DOCK11: variants seen among roughly 807,000 people sequenced by gnomAD.
DOCK11 encodes the protein dedicator of cytokinesis protein 11.
Under a neutral mutation model 169.1 loss-of-function variants are expected in DOCK11, and 70 were observed. The ratio of observed to expected loss-of-function variants is 0.41; its 90% CI spans 0.34 to 0.51. The LOEUF is 0.51. DOCK11 is among the 20% of genes least tolerant of loss of function. The probability of loss-of-function intolerance (pLI) is 0.10; values close to 1 mark genes in which losing one functional copy is unlikely to be tolerated. For missense variants in DOCK11, 1,166 were observed against 1,538.8 expected (o/e 0.76, Z 4.05); for synonymous variants, 529 against 541.3 (o/e 0.98, Z 0.32).
chrX:118,635,627 G>A (rs1426477618), intron 35 of DOCK11, among the ~76,000 whole-genome samples: 4 of 110,914 alleles, frequency 3.6e-5, no homozygotes, highest in Non-Finnish European at 7.6e-5. Context: ...TCACTCTGTC[G>A]CCCAGGCTGG....
intron 10 of DOCK11, among the ~76,000 whole-genome samples, chrX:118,570,445 A>C (rs1167325710): frequency 8.9e-6 from 1 of 112,234 alleles, no homozygotes; most frequent in Non-Finnish European, 1.9e-5. Context: ...CCACAGATGG[A>C]TATGTGTTCA....
chrX:118,605,386 C>T (rs1344723271), intron 24 of DOCK11, 30 bp downstream of exon 24: 12 of 996,135 alleles, frequency 1.2e-5, no homozygotes, highest in South Asian at 4.2e-5. Context: ...TACAAAGATG[C>T]TATTTATTTG....
intron 1 of DOCK11, among the ~76,000 whole-genome samples, chrX:118,519,559 A>T (rs1256364988): frequency 1.8e-5 from 2 of 111,631 alleles, no homozygotes; most frequent in African/African-American, 6.5e-5. Context: ...AGAAATTTTA[A>T]GGTCTGCTCT....
rs766739770 is a variant in DOCK11 at position 118,620,523 on chromosome X, C to T, written c.3471+1795C>T. On this transcript the variant is annotated intron_variant, in intron 31 of 52. Transcript: ENST00000276202. Reference sequence around the variant, plus strand: ...TCCTAAAGTAGATTTAACTCCTTTGCTTTAAGATGTAATTTATTGCTTACT... The same window carrying T: ...TCCTAAAGTAGATTTAACTCCTTTGTTTTAAGATGTAATTTATTGCTTACT... 2.7e-5 allele frequency among the ~76,000 whole-genome samples: 3 copies of T among 112,069 alleles called. No homozygotes were observed. The South Asian group carries it at 1.1e-3, about 41-fold the overall frequency.
intron 1 of DOCK11, among the ~76,000 whole-genome samples, chrX:118,498,726 G>A (rs1459202643): frequency 9.0e-6 from 1 of 111,321 alleles, no homozygotes; most frequent in Non-Finnish European, 1.9e-5. Flanking sequence ...CCACCAAGCT[G>A]TACAAATATA....
intron 1 of DOCK11, among the ~76,000 whole-genome samples, chrX:118,539,786 C>A (rs1464328622): frequency 3.7e-5 from 4 of 109,318 alleles, no homozygotes; most frequent in African/African-American, 1.3e-4. Context: ...CATGGTGGCT[C>A]ATGCCTGTAA....
chrX:118,663,768 G>C (rs758654655), intron 45 of DOCK11, among the ~76,000 whole-genome samples: 2 of 102,536 alleles, frequency 2.0e-5, no homozygotes, highest in Admixed American at 1.1e-4. Context: ...TCTGCCTCCC[G>C]GGTTCAAGTG....
At chrX:118,628,062 C>T in intron 33 of DOCK11, 101 bp from the exon 34 acceptor site, 1 of 470,809 alleles carries the variant, frequency 2.1e-6, no homozygotes, top group Non-Finnish European at 3.7e-6. Flanking sequence ...AAGATCTATT[C>T]CCTACATTAA....
In DOCK11 at chrX:118,560,132, A is replaced by G. The variant is rs780720012; in HGVS notation, c.559-1251A>G. ...TTTTGTCATTCATTAAAAAAAATCA[A>G]TGATATTTATACAAGTCAAAAATAA... On this transcript the variant is annotated intron_variant, in intron 6 of 52. Transcript: ENST00000276202. Among the ~76,000 whole-genome samples, 74 of 111,337 alleles carry G rather than the reference A, an allele frequency of 6.6e-4. 1 individual carries two copies. Among genetic ancestry groups the G allele is most frequent in the Non-Finnish European group, 4.3e-4 (23 of 53,039 alleles).
intron 7 of DOCK11, among the ~76,000 whole-genome samples, chrX:118,562,699 T>C (rs769219405): frequency 8.9e-6 from 1 of 111,971 alleles, no homozygotes; most frequent in South Asian, 3.7e-4. Context: ...TACATTTTTT[T>C]CCTCTTCTTG....
chrX:118,514,798 G>A (rs1057061519), intron 1 of DOCK11, among the ~76,000 whole-genome samples: 4 of 112,466 alleles, frequency 3.6e-5, no homozygotes, highest in African/African-American at 1.3e-4. Flanking sequence ...TCAGGGCTTA[G>A]GTCAAATGGC....
At chrX:118,657,629 T>C (rs1004909670) in intron 44 of DOCK11, among the ~76,000 whole-genome samples, 1 of 112,060 alleles carries the variant, frequency 8.9e-6, no homozygotes, top group African/African-American at 3.2e-5. Context: ...ACCTTTTTTT[T>C]CTTAATTAGC....
chrX:118,560,317 C>A (rs947228576), intron 6 of DOCK11, among the ~76,000 whole-genome samples: 1 of 111,667 alleles, frequency 9.0e-6, no homozygotes, highest in African/African-American at 3.3e-5. Flanking sequence ...AAATAATACT[C>A]TTTCCATAAT....
chrX:118,590,852 T>C (rs1210579396), intron 19 of DOCK11, among the ~76,000 whole-genome samples: 1 of 111,618 alleles, frequency 9.0e-6, no homozygotes, highest in African/African-American at 3.3e-5. Context: ...CTGTGGTTCC[T>C]CCTGACTCAG....
At chrX:118,612,830 A>G (rs777577286) in intron 28 of DOCK11, among the ~76,000 whole-genome samples, 1 of 112,274 alleles carries the variant, frequency 8.9e-6, no homozygotes, top group Non-Finnish European at 1.9e-5. Context: ...TGGAAAGGCC[A>G]TCTGGTGCCA....
intron 34 of DOCK11, among the ~76,000 whole-genome samples, chrX:118,629,460 T>G (rs762058488): frequency 9.0e-6 from 1 of 111,254 alleles, no homozygotes; most frequent in African/African-American, 3.3e-5. Flanking sequence ...TTTTAAATTT[T>G]TTAGATTATT....
At chrX:118,617,176 ATAG>A (rs1259725040) in intron 30 of DOCK11, among the ~76,000 whole-genome samples, 1 of 111,857 alleles carries the variant, frequency 8.9e-6, no homozygotes, top group East Asian at 2.8e-4. Context: ...GGAAATAAAG[ATAG>A]TAGAAATCTA....
In DOCK11 at chrX:118,586,124, A is replaced by T. The variant is rs188671928; in HGVS notation, c.1795+1007A>T. Among the ~76,000 whole-genome samples the T allele has an allele frequency of 1.7e-3, 189 of 111,931 alleles. 2 individuals are homozygous for T. The highest frequency in any genetic ancestry group is 3.0e-3 in the Non-Finnish European group (162 of 53,134). ...TGAGAGTATATGCATTCATTCACTG[A>T]ATAACTATCTATTGAGTAAACGTTT... On this transcript the variant is annotated intron_variant, in intron 16 of 52. Coordinates refer to ENST00000276202, the MANE Select transcript of DOCK11 (RefSeq NM_144658.4).
chrX:118,660,065 C>G (rs901346953), intron 44 of DOCK11, among the ~76,000 whole-genome samples: 3 of 111,839 alleles, frequency 2.7e-5, no homozygotes, highest in Non-Finnish European at 5.6e-5. Context: ...CTCTTCTTTA[C>G]GGCCTGGCTC....
Sources: allele counts gnomAD v4.1 joint callset (sites outside exome capture counted in the v4.1 genomes callset), GRCh38; gene constraint gnomAD v4.1.1; transcripts MANE v1.5; gene names NCBI Gene and HGNC (gene_info 2026-07-23, HGNC 2026-07-21).